LTBP2: variants seen among roughly 807,000 people sequenced by gnomAD.
LTBP2 encodes latent transforming growth factor beta binding protein 2.
A neutral mutation model predicts 210.6 loss-of-function variants in LTBP2; 103 were observed. The ratio of observed to expected loss-of-function variants is 0.49; its 90% confidence interval spans 0.42 to 0.58. LTBP2 has a LOEUF of 0.58. Ranked by LOEUF, LTBP2 falls within the 20% of genes least tolerant of loss-of-function variation. LTBP2 has a pLI of 0.00. For synonymous variants in LTBP2, 1,007 were observed against 1,015.0 expected (o/e 0.99, Z 0.15); for missense variants, 2,313 against 2,494.5 (o/e 0.93, Z 1.55).
chr14:74,503,364 G>T lies in LTBP2; in HGVS notation c.4743C>A (p.Ile1581=), dbSNP rs768924395. ...SSTEDLPDHD[I]HMDICWKKVT... ...CTTTTTTCCAGCAGATGTCCATGTG[G>T]ATGTCGTGGTCAGGGAGGTCCTCTG... The change falls in exon 33 of 36, where the codon ATC becomes ATA. Residue 1581 remains isoleucine (I), a synonymous_variant. Transcript: ENST00000261978. The T allele has an allele frequency of 6.2e-7, 1 of 1,613,328 alleles. No individual in the cohort carries two copies. Among genetic ancestry groups the T allele is most frequent in the South Asian group, 1.1e-5 (1 of 91,048 alleles).
chr14:74,598,050 T>A (rs2139801921), intron 2 of LTBP2, among the ~76,000 whole-genome samples: 1 of 152,336 alleles, frequency 6.6e-6, no homozygotes, highest in Middle Eastern at 3.4e-3. Context: ...CTCATCCTCA[T>A]CTGACATATG....
intron 8 of LTBP2, among the ~76,000 whole-genome samples, chr14:74,542,671 G>C (rs1258352965): frequency 6.6e-6 from 1 of 152,172 alleles, no homozygotes; most frequent in Non-Finnish European, 1.5e-5. Flanking sequence ...CCCCCAGTAG[G>C]AGTGCAGGTG....
intron 15 of LTBP2, 104 bp downstream of exon 15, chr14:74,525,020 G>T: frequency 1.8e-6 from 1 of 568,082 alleles, no homozygotes; most frequent in Non-Finnish European, 2.9e-6. Flanking sequence ...TAGTTGGAAA[G>T]GTGAGGGGGC....
At chr14:74,569,215 G>T (rs1188995333) in intron 3 of LTBP2, among the ~76,000 whole-genome samples, 1 of 150,312 alleles carries the variant, frequency 6.7e-6, no homozygotes, top group Non-Finnish European at 1.5e-5. Context: ...AAAGAAGGGT[G>T]GCCAAGTCTG....
chr14:74,546,823 G>A (rs1306457427), intron 8 of LTBP2, among the ~76,000 whole-genome samples: 1 of 152,246 alleles, frequency 6.6e-6, no homozygotes, highest in Non-Finnish European at 1.5e-5. Context: ...AGCTCTCAAG[G>A]CTGGCACACA....
chr14:74,507,158 C>G (rs749251256), intron 26 of LTBP2, 21 bp downstream of exon 26: 1 of 1,614,164 alleles, frequency 6.2e-7, no homozygotes, highest in South Asian at 1.1e-5. Flanking sequence ...TCTCTCCTCT[C>G]TCTCCTCCCT....
At chr14:74,568,180 G>A (rs1223052003) in intron 3 of LTBP2, among the ~76,000 whole-genome samples, 2 of 152,198 alleles carry the variant, frequency 1.3e-5, no homozygotes, top group Non-Finnish European at 2.9e-5. Context: ...GCAGAACACA[G>A]GCTAGATTTT....
At chr14:74,603,756 C>A in intron 1 of LTBP2, 51 bp from the exon 2 acceptor site, 2 of 1,465,344 alleles carry the variant, frequency 1.4e-6, no homozygotes, top group Non-Finnish European at 9.6e-7. Flanking sequence ...GAGCTGGGGA[C>A]TATTCACAGC....
At chr14:74,536,114 C>G (rs2087418717) in intron 8 of LTBP2, 114 bp from the exon 9 acceptor site, 1 of 874,980 alleles carries the variant, frequency 1.1e-6, no homozygotes, top group East Asian at 2.6e-5. Flanking sequence ...GCAGTGAGCC[C>G]CAGCCCCCGA....
At chr14:74,560,343 G>A (rs2087778397) in intron 3 of LTBP2, among the ~76,000 whole-genome samples, 1 of 152,174 alleles carries the variant, frequency 6.6e-6, no homozygotes, top group Non-Finnish European at 1.5e-5. Flanking sequence ...CCAGCACAGA[G>A]CCAAGAGACA....
intron 8 of LTBP2, among the ~76,000 whole-genome samples, chr14:74,542,785 T>TG (rs71119304): frequency 2.0e-5 from 3 of 151,056 alleles, no homozygotes; most frequent in Non-Finnish European, 4.4e-5. Flanking sequence ...TTTTTTTTTT[T>TG]GAGATGGAGT....
intron 25 of LTBP2, 39 bp downstream of exon 25, chr14:74,507,934 T>C (rs2139693985): frequency 6.2e-7 from 1 of 1,611,072 alleles, no homozygotes; most frequent in Non-Finnish European, 8.5e-7. Flanking sequence ...GATGGGCAGA[T>C]GTGGGCAGAG....
At chr14:74,528,422 T>C in intron 12 of LTBP2, 61 bp downstream of exon 12, 1 of 1,577,968 alleles carries the variant, frequency 6.3e-7, no homozygotes, top group Non-Finnish European at 8.7e-7. Context: ...CACACTTCTC[T>C]GAGGTGCTGG....
chr14:74,501,817 A>T (rs1215441209), intron 34 of LTBP2: 3 of 579,874 alleles, frequency 5.2e-6, no homozygotes, highest in African/African-American at 1.9e-5. Context: ...TGGGCTTCAA[A>T]TGAGGGCTCC....
chr14:74,563,182 G>A (rs892927183), intron 3 of LTBP2, among the ~76,000 whole-genome samples: 4 of 152,126 alleles, frequency 2.6e-5, no homozygotes, highest in Admixed American at 2.6e-4. Flanking sequence ...TCAGGTCAAA[G>A]CTTGATTTAC....
intron 30 of LTBP2, 59 bp downstream of exon 30, chr14:74,504,719 G>T: frequency 6.5e-7 from 1 of 1,527,752 alleles, no homozygotes; most frequent in East Asian, 2.2e-5. Flanking sequence ...ACCCTGTGGA[G>T]GAGCAGGCTA....
At chr14:74,528,338 T>G (rs1595255162) in intron 12 of LTBP2, 145 bp downstream of exon 12, 1 of 908,568 alleles carries the variant, frequency 1.1e-6, no homozygotes, top group Non-Finnish European at 1.8e-6. Context: ...GCTGCCAGGG[T>G]TGGGTGCTGC....
intron 13 of LTBP2, among the ~76,000 whole-genome samples, chr14:74,526,969 C>T (rs890509651): frequency 7.9e-5 from 12 of 152,182 alleles, no homozygotes; most frequent in Admixed American, 5.2e-4. Context: ...ACTAAACCAG[C>T]GCAGAAAGTG....
At chr14:74,568,158 G>T (rs560899383) in intron 3 of LTBP2, among the ~76,000 whole-genome samples, 49 of 152,322 alleles carry the variant, frequency 3.2e-4, no homozygotes, top group Non-Finnish European at 5.0e-4. Flanking sequence ...GCGTGGTCCC[G>T]GTGCTGGGTG....
Sources: allele counts gnomAD v4.1 joint callset (sites outside exome capture counted in the v4.1 genomes callset), GRCh38; gene constraint gnomAD v4.1.1; transcripts MANE v1.5; gene names NCBI Gene and HGNC (gene_info 2026-07-23, HGNC 2026-07-21).